RBFOX1: variants seen among roughly 807,000 people sequenced by gnomAD.
The protein encoded by RBFOX1 is RNA binding protein fox-1 homolog 1.
In RBFOX1, 8 loss-of-function variants were observed where a neutral mutation model predicts 57.7. The ratio of observed to expected loss-of-function variants is 0.14; its 90% CI spans 0.08 to 0.25. The LOEUF is 0.25. RBFOX1 is among the 10% of genes least tolerant of loss of function. The probability of loss-of-function intolerance (pLI) is 1.00; values close to 1 mark genes in which losing one functional copy is unlikely to be tolerated. For missense variants in RBFOX1, 611 were observed against 548.5 expected (o/e 1.11, Z -1.14); for synonymous variants, 326 against 222.4 (o/e 1.47, Z -4.15).
chr16:5,569,968 G>A (rs1452171699), intron 2 of RBFOX1, among the ~76,000 whole-genome samples: 3 of 152,088 alleles, frequency 2.0e-5, no homozygotes, highest in African/African-American at 7.2e-5. Context: ...ATGGGAACTC[G>A]GCATCTAACT....
intron 4 of RBFOX1, among the ~76,000 whole-genome samples, chr16:7,091,601 G>A (rs1417575989): frequency 2.6e-5 from 4 of 152,024 alleles, no homozygotes; most frequent in Non-Finnish European, 5.9e-5. Flanking sequence ...CTCCCAGAGT[G>A]TGTTACACTT....
chr16:5,678,451 A>C (rs565694133), intron 3 of RBFOX1, among the ~76,000 whole-genome samples: 184 of 152,342 alleles, frequency 1.2e-3, no homozygotes, highest in African/African-American at 4.3e-3. Flanking sequence ...TCAATATAGA[A>C]AGTAAATAGA....
chr16:6,726,011 A>G (rs983264765), intron 3 of RBFOX1, among the ~76,000 whole-genome samples: 2 of 152,290 alleles, frequency 1.3e-5, no homozygotes, highest in Admixed American at 1.3e-4. Flanking sequence ...CAGCATTGCA[A>G]ATCACCCTTT....
At chr16:7,624,568 T>C (rs954082365) in intron 10 of RBFOX1, among the ~76,000 whole-genome samples, 2 of 152,030 alleles carry the variant, frequency 1.3e-5, no homozygotes, top group Admixed American at 6.6e-5. Context: ...CATAGACGAG[T>C]AGATGCCAAT....
chr16:7,125,981 G>T (rs768310526), intron 4 of RBFOX1, among the ~76,000 whole-genome samples: 1 of 152,188 alleles, frequency 6.6e-6, no homozygotes, highest in Non-Finnish European at 1.5e-5. Context: ...TGCTCGGGAG[G>T]CTGAGGCAGG....
At chr16:6,913,408 C>T (rs978367410) in intron 3 of RBFOX1, among the ~76,000 whole-genome samples, 6 of 152,070 alleles carry the variant, frequency 3.9e-5, no homozygotes, top group East Asian at 1.9e-4. Flanking sequence ...CGGCAAGCCA[C>T]GGCATTGTTT....
rs979908058 is a variant in RBFOX1 at position 7,706,225 on chromosome 16, G to C, written c.996-2831G>C. On this transcript the variant is annotated intron_variant, in intron 14 of 15. Transcript: ENST00000550418. The stretch of plus-strand genomic sequence containing the variant: ...TTGAAAAGAAGCCTCCTTGCTTTCA[G>C]TTTGAGCTGACATGATCTCTTTTCC... Among the ~76,000 whole-genome samples, 2 of 152,198 alleles carry C rather than the reference G, an allele frequency of 1.3e-5. 1 individual carries two copies. Among genetic ancestry groups the C allele is most frequent in the East Asian group, 3.9e-4 (2 of 5,194 alleles).
chr16:5,424,717 G>C (rs2067461268), intron 1 of RBFOX1, among the ~76,000 whole-genome samples: 1 of 151,938 alleles, frequency 6.6e-6, no homozygotes, highest in East Asian at 1.9e-4. Context: ...GTGTGGGTTT[G>C]TTACATGGGT....
At position 5,408,359 on chromosome 16, in the gene RBFOX1, T is replaced by C. The variant is rs142530954; in HGVS notation, c.220-58857T>C. ...TATATGAATCAATACATTCCTTTTT[T>C]TATTGTCAGAAACTAAGCAAGGCAG... On this transcript the variant is annotated intron_variant, in intron 1 of 2. Coordinates refer to the RBFOX1 transcript ENST00000585867. 4.8e-4 allele frequency among the ~76,000 whole-genome samples: 73 copies of C among 152,304 alleles called. 1 individual carries two copies. The East Asian group carries it at 0.014, about 28-fold the overall frequency.
intron 4 of RBFOX1, among the ~76,000 whole-genome samples, chr16:7,344,944 C>G (rs958130554): frequency 1.1e-4 from 17 of 151,976 alleles, no homozygotes; most frequent in African/African-American, 4.1e-4. Context: ...GTTTTTCCCC[C>G]ACTGTCTCAC....
intron 4 of RBFOX1, among the ~76,000 whole-genome samples, chr16:7,206,236 G>A (rs1040065978): frequency 4.6e-5 from 7 of 152,088 alleles, no homozygotes; most frequent in Non-Finnish European, 5.9e-5. Flanking sequence ...TTACCAGACA[G>A]TAACATCTTA....
At chr16:6,534,950 T>C (rs1373058557) in intron 2 of RBFOX1, among the ~76,000 whole-genome samples, 7 of 152,178 alleles carry the variant, frequency 4.6e-5, no homozygotes, top group Admixed American at 4.6e-4. Flanking sequence ...AAAACTTGTT[T>C]GGTTTCTGTA....
chr16:7,410,381 A>T (rs2061913733), intron 4 of RBFOX1, among the ~76,000 whole-genome samples: 1 of 152,218 alleles, frequency 6.6e-6, no homozygotes, highest in South Asian at 2.1e-4. Context: ...AAAACCCAGG[A>T]CCTTAAGACT....
chr16:7,501,491 A>C (rs1305869399), intron 4 of RBFOX1, among the ~76,000 whole-genome samples: 1 of 152,214 alleles, frequency 6.6e-6, no homozygotes, highest in African/African-American at 2.4e-5. Context: ...CCTATAAGAC[A>C]GACATAGGTC....
intron 3 of RBFOX1, among the ~76,000 whole-genome samples, chr16:5,656,168 C>T (rs964404233): frequency 1.3e-5 from 2 of 152,108 alleles, no homozygotes; most frequent in African/African-American, 4.8e-5. Flanking sequence ...TGTTTCTCTT[C>T]TTAGGTGCAT....
chr16:6,442,668 C>T (rs369342793), intron 2 of RBFOX1, among the ~76,000 whole-genome samples: 3 of 152,120 alleles, frequency 2.0e-5, no homozygotes, highest in Admixed American at 2.0e-4. Context: ...TCGCCAGAAA[C>T]AAGTGTTTTG....
intron 3 of RBFOX1, among the ~76,000 whole-genome samples, chr16:5,808,671 CTT>C (rs1415065078): frequency 6.6e-6 from 1 of 152,114 alleles, no homozygotes; most frequent in Admixed American, 6.5e-5. Flanking sequence ...ATTTTATTCT[CTT>C]TGAAGCAATT....
chr16:6,160,067 G>C (rs2096866956), intron 1 of RBFOX1, among the ~76,000 whole-genome samples: 1 of 152,036 alleles, frequency 6.6e-6, no homozygotes, highest in Non-Finnish European at 1.5e-5. Context: ...CCTTATTGAG[G>C]CATTTACTGA....
chr16:5,484,726 C>A (rs2069665514), intron 2 of RBFOX1, among the ~76,000 whole-genome samples: 1 of 151,730 alleles, frequency 6.6e-6, no homozygotes, highest in Non-Finnish European at 1.5e-5. Flanking sequence ...TCCTGGCCAA[C>A]ATGGTGAAAC....
Sources: allele counts gnomAD v4.1 joint callset (sites outside exome capture counted in the v4.1 genomes callset), GRCh38; gene constraint gnomAD v4.1.1; transcripts MANE v1.5; gene names NCBI Gene and HGNC (gene_info 2026-07-23, HGNC 2026-07-21).